PRKAG2: variants seen among roughly 807,000 people sequenced by gnomAD.
PRKAG2 encodes the protein 5'-AMP-activated protein kinase subunit gamma-2.
Under a neutral mutation model 69.6 loss-of-function variants are expected in PRKAG2, and 26 were observed. The observed-to-expected ratio is 0.37, with a 90% CI of 0.27 to 0.52. The LOEUF (loss-of-function observed/expected upper bound fraction) is 0.52, where lower values mean the gene tolerates loss of function less well. PRKAG2 is among the 20% of genes least tolerant of loss of function. The pLI, the probability that PRKAG2 is intolerant of heterozygous loss-of-function variation, is 0.90. For missense variants in PRKAG2, 557 were observed against 740.0 expected, an observed-to-expected ratio of 0.75 and a Z score of 2.87; for synonymous variants, 293 against 285.0, an observed-to-expected ratio of 1.03 and a Z score of -0.28.
At chr7:151,615,036 ATCCAGAGGGAACCTCGAGACAGAAGCCG>A (rs1173995020) in intron 5 of PRKAG2, among the ~76,000 whole-genome samples, 2 of 152,110 alleles carry the variant, frequency 1.3e-5, no homozygotes, top group African/African-American at 4.8e-5. Flanking sequence ...AGCCGTGTGG[ATCCAGAGGGAACCTCGAGACAGAAGCCG>A]TGTGGATCCA....
intron 4 of PRKAG2, among the ~76,000 whole-genome samples, chr7:151,669,966 G>GCACA (rs141754917): frequency 0.74 from 90,484 of 122,380 alleles, 29,979 homozygotes; most frequent in Admixed American, 0.76. Flanking sequence ...TCACACACCT[G>GCACA]CACACACCTG....
intron 3 of PRKAG2, among the ~76,000 whole-genome samples, chr7:151,676,074 T>A (rs1295355251): frequency 6.6e-6 from 1 of 152,058 alleles, no homozygotes. Context: ...GCTATTTTCC[T>A]CCATTCAGCC....
At chr7:151,592,746 TG>T (rs1486318922) in intron 6 of PRKAG2, among the ~76,000 whole-genome samples, 2 of 152,256 alleles carry the variant, frequency 1.3e-5, no homozygotes, top group Admixed American at 6.5e-5. Flanking sequence ...TTCTATTATA[TG>T]CCTATGCGAG....
At chr7:151,715,368 G>C (rs563123185) in intron 3 of PRKAG2, among the ~76,000 whole-genome samples, 6 of 121,558 alleles carry the variant, frequency 4.9e-5, no homozygotes, top group Admixed American at 8.6e-5. Flanking sequence ...TTTTTTTTGA[G>C]ACAGAGTTCC....
At chr7:151,649,285 C>G (rs547910519) in intron 4 of PRKAG2, among the ~76,000 whole-genome samples, 1 of 152,242 alleles carries the variant, frequency 6.6e-6, no homozygotes, top group South Asian at 2.1e-4. Context: ...ACCACCACAC[C>G]TGGCTAAGTT....
intron 1 of PRKAG2, among the ~76,000 whole-genome samples, chr7:151,787,578 C>T (rs1286469883): frequency 6.6e-6 from 1 of 152,156 alleles, no homozygotes; most frequent in African/African-American, 2.4e-5. Context: ...ATGAGTAGAC[C>T]ACATTCCGCT....
intron 4 of PRKAG2, among the ~76,000 whole-genome samples, chr7:151,660,512 T>G (rs1187803386): frequency 3.3e-5 from 5 of 152,272 alleles, no homozygotes; most frequent in Non-Finnish European, 7.3e-5. Flanking sequence ...TATGTAACAT[T>G]CGTTGTTTAC....
At chr7:151,738,734 A>G (rs996775794) in intron 3 of PRKAG2, among the ~76,000 whole-genome samples, 5 of 152,226 alleles carry the variant, frequency 3.3e-5, no homozygotes, top group Non-Finnish European at 7.3e-5. Context: ...AATGCTAATT[A>G]TTGGTTTGCT....
intron 15 of PRKAG2, 142 bp downstream of exon 15, chr7:151,560,382 A>G (rs1370454980): frequency 6.4e-7 from 1 of 1,567,222 alleles, no homozygotes; most frequent in East Asian, 2.3e-5. Context: ...CTGAAGAGAA[A>G]ACGAAAATGG....
intron 1 of PRKAG2, among the ~76,000 whole-genome samples, chr7:151,827,774 A>AAAAAAAAAAAAC (rs1563733994): frequency 6.8e-6 from 1 of 147,520 alleles, no homozygotes; most frequent in South Asian, 2.2e-4. Flanking sequence ...AAAAAAAAAA[A>AAAAAAAAAAAAC]CTGCCTTGCT....
At chr7:151,647,533 G>C (rs1362060664) in intron 4 of PRKAG2, among the ~76,000 whole-genome samples, 1 of 152,202 alleles carries the variant, frequency 6.6e-6, no homozygotes, top group Non-Finnish European at 1.5e-5. Flanking sequence ...TTGAGAGGAA[G>C]GCTTCCTACA....
intron 6 of PRKAG2, among the ~76,000 whole-genome samples, chr7:151,578,042 CA>C (rs138167899): frequency 0.028 from 4,076 of 146,468 alleles, 151 homozygotes; most frequent in East Asian, 0.12. Context: ...ACTCACTACT[CA>C]AAAAAAAACC....
Position 151,827,069 on chromosome 7 carries a change from G to A in PRKAG2, c.115-40528C>T, listed in dbSNP as rs530069150. Among the ~76,000 whole-genome samples, 145 of 152,222 alleles carry A rather than the reference G, an allele frequency of 9.5e-4. No homozygotes were observed. The South Asian group carries it at 0.018, about 19-fold the overall frequency. On this transcript the variant is annotated intron_variant, in intron 1 of 15. Transcript: ENST00000287878. ...ACACTACAGATAAGTCATATATTTG[G>A]GTCCAGACTTCCTGCAGACCACTGG... is the stretch of plus-strand genomic sequence containing the variant.
At chr7:151,663,003 G>A (rs2151434108) in intron 4 of PRKAG2, among the ~76,000 whole-genome samples, 1 of 152,294 alleles carries the variant, frequency 6.6e-6, no homozygotes, top group African/African-American at 2.4e-5. Flanking sequence ...TGAGGTGGGT[G>A]GATCACCTGA....
chr7:151,772,077 C>A (rs567390073), intron 3 of PRKAG2, among the ~76,000 whole-genome samples: 27 of 152,286 alleles, frequency 1.8e-4, no homozygotes, highest in African/African-American at 6.3e-4. Flanking sequence ...GGCAAGTGAA[C>A]CAGTAAATAG....
chr7:151,669,234 T>A (rs1407377913), intron 4 of PRKAG2, among the ~76,000 whole-genome samples: 4 of 152,194 alleles, frequency 2.6e-5, no homozygotes, highest in Non-Finnish European at 5.9e-5. Flanking sequence ...CTGTCCTCTC[T>A]CTCACATCAG....
intron 1 of PRKAG2, among the ~76,000 whole-genome samples, chr7:151,795,811 G>A (rs10252278): frequency 4.6e-5 from 6 of 129,978 alleles, no homozygotes; most frequent in Non-Finnish European, 9.3e-5. Context: ...TTCCAGTTCC[G>A]ACCAACGCAT....
chr7:151,562,030 A>G (rs1253724355), intron 14 of PRKAG2, among the ~76,000 whole-genome samples: 1 of 151,526 alleles, frequency 6.6e-6, no homozygotes, highest in Non-Finnish European at 1.5e-5. Context: ...GCGGATCACA[A>G]GATCAAGTGC....
intron 6 of PRKAG2, among the ~76,000 whole-genome samples, chr7:151,579,140 T>C (rs991468456): frequency 2.0e-5 from 3 of 152,174 alleles, no homozygotes; most frequent in Non-Finnish European, 4.4e-5. Context: ...TTCTCCCACC[T>C]CAGCCTTCCA....
Sources: allele counts gnomAD v4.1 joint callset (sites outside exome capture counted in the v4.1 genomes callset), GRCh38; gene constraint gnomAD v4.1.1; transcripts MANE v1.5; gene names NCBI Gene and HGNC (gene_info 2026-07-23, HGNC 2026-07-21).